ACIN1: variants seen among roughly 807,000 people sequenced by gnomAD.
ACIN1 encodes apoptotic chromatin condensation inducer 1.
Under a neutral mutation model 146.6 loss-of-function variants are expected in ACIN1, and 16 were observed. The observed-to-expected ratio is 0.11, with a 90% CI of 0.07 to 0.17. ACIN1 has a LOEUF of 0.17. ACIN1 is among the 10% of genes least tolerant of loss of function. The pLI, the probability that ACIN1 is intolerant of heterozygous loss-of-function variation, is 1.00. For synonymous variants in ACIN1, 569 were observed against 582.7 expected, an observed-to-expected ratio of 0.98 and a Z score of 0.34; for missense variants, 1,357 against 1,609.3, an observed-to-expected ratio of 0.84 and a Z score of 2.68.
chr14:23,061,655 A>G, intron 16 of ACIN1, 33 bp from the exon 17 acceptor site: 2 of 1,486,710 alleles, frequency 1.3e-6, no homozygotes, highest in Non-Finnish European at 1.8e-6. Flanking sequence ...GACAGTTAGG[A>G]TAGAGGTGAT....
intron 12 of ACIN1, 97 bp downstream of exon 12, chr14:23,064,008 G>A: frequency 6.6e-7 from 1 of 1,524,090 alleles, no homozygotes; most frequent in South Asian, 1.2e-5. Flanking sequence ...CACAGACAGG[G>A]AAGTTCCCTC....
chr14:23,071,149 A>AT (rs781124581), intron 8 of ACIN1: 44 of 1,551,226 alleles, frequency 2.8e-5, no homozygotes, highest in Non-Finnish European at 3.2e-5. Context: ...TGATAACATG[A>AT]TTTTTTTTCT....
chr14:23,095,547 T>C (rs557223383), upstream of ACIN1: 11 of 486,576 alleles, frequency 2.3e-5, no homozygotes, highest in Admixed American at 2.7e-4. Context: ...TCAGGAAATT[T>C]GGAAGCTGCC....
At chr14:23,061,682 G>A (rs2047285940) in intron 16 of ACIN1, 60 bp from the exon 17 acceptor site, 1 of 1,437,086 alleles carries the variant, frequency 7.0e-7, no homozygotes, top group Non-Finnish European at 9.2e-7. Context: ...CCCACTCAAG[G>A]AGCCAGGATG....
chr14:23,078,032 G>GCTCTGC (rs1161935556), intron 8 of ACIN1, 119 bp downstream of exon 8: 25 of 863,468 alleles, frequency 2.9e-5, no homozygotes, highest in African/African-American at 5.1e-5. Context: ...TCCAGATAAA[G>GCTCTGC]CTCTGCCTTT....
chr14:23,094,747 GTGCACACCCTCCCA>G, intron 1 of ACIN1: 9 of 725,548 alleles, frequency 1.2e-5, no homozygotes, highest in Non-Finnish European at 2.0e-5. Context: ...CTGGAGAGTA[GTGCACACCCTCCCA>G]TTTGGGCTCG....
chr14:23,086,471 T>C (rs755740643), intron 4 of ACIN1, among the ~76,000 whole-genome samples: 1 of 152,210 alleles, frequency 6.6e-6, no homozygotes, highest in Non-Finnish European at 1.5e-5. Flanking sequence ...CTTAGAAATA[T>C]CTGAAGAAAG....
At chr14:23,063,116 T>C in intron 13 of ACIN1, 42 bp from the exon 14 acceptor site, 2 of 1,554,294 alleles carry the variant, frequency 1.3e-6, no homozygotes, top group Non-Finnish European at 1.7e-6. Flanking sequence ...TAGGAAGCAA[T>C]ACTGGCTCTT....
At chr14:23,087,700 T>C (rs752172243) in intron 4 of ACIN1, among the ~76,000 whole-genome samples, 30 of 151,816 alleles carry the variant, frequency 2.0e-4, no homozygotes, top group Non-Finnish European at 4.0e-4. Context: ...CCATTACCTA[T>C]AGAACTAAAA....
rs2140041310 is a variant in ACIN1 at position 23,067,201 on chromosome 14, C to A, written c.2266-1193G>T. On this transcript the variant is annotated intron_variant, in intron 9 of 18. Transcript: ENST00000605057. This position sits in a 1 kb window ranked among gnomAD's most constrained non-coding sequence, Gnocchi z 4.6. ...AACCAAATAAATAAATAAAAGAAATCAGAAAAAATAAAGATATAGAAAAAA... is the reference window on the plus strand; with the variant it reads ...AACCAAATAAATAAATAAAAGAAATAAGAAAAAATAAAGATATAGAAAAAA... 1 of 707,492 alleles carries A rather than the reference C, an allele frequency of 1.4e-6. No individual in the cohort carries two copies. The highest frequency in any genetic ancestry group is 1.3e-4 in the East Asian group (1 of 7,452). 43.8% of individuals were successfully genotyped at this position (707,492 alleles called of 1,614,324 possible). A position where few individuals can be genotyped will look rare whatever the true frequency, so the allele number is the denominator to read the frequency against.
intron 9 of ACIN1, 110 bp downstream of exon 9, chr14:23,069,366 A>T: frequency 1.3e-6 from 2 of 1,486,646 alleles, no homozygotes; most frequent in Non-Finnish European, 1.8e-6. Flanking sequence ...TCCCTGCCTC[A>T]TCCCTCCTTT....
chr14:23,061,054 A>T (rs1187287647), intron 18 of ACIN1, 30 bp downstream of exon 18: 2 of 1,599,604 alleles, frequency 1.3e-6, no homozygotes, highest in South Asian at 2.2e-5. Context: ...CAGTGCCACT[A>T]GGGAGCAGGG....
At chr14:23,091,444 A>G (rs1337956850) in intron 2 of ACIN1, among the ~76,000 whole-genome samples, 1 of 151,932 alleles carries the variant, frequency 6.6e-6, no homozygotes, top group Non-Finnish European at 1.5e-5. Flanking sequence ...CCAAAAATAC[A>G]AAAAGGTGGG....
In ACIN1 at chr14:23,089,087, C is replaced by T. The variant is rs909332924; in HGVS notation, c.436+895G>A. Among the ~76,000 whole-genome samples the T allele has an allele frequency of 5.9e-5, 9 of 152,312 alleles. 1 individual carries two copies. Among genetic ancestry groups the T allele is most frequent in the Middle Eastern group, 6.8e-3 (2 of 294 alleles). ...ACACAGTCTCGCTCTATTGTCCAGG[C>T]TGAAGTGCAATGGTGCAATCTTGGC... On this transcript the variant is annotated intron_variant, in intron 4 of 18. Coordinates refer to ENST00000605057, the MANE Select transcript of ACIN1 (RefSeq NM_001386863.1).
chr14:23,064,598 TAAAG>T (rs1159169075), intron 10 of ACIN1, 110 bp from the exon 11 acceptor site: 12 of 1,444,718 alleles, frequency 8.3e-6, no homozygotes, highest in East Asian at 2.3e-5. Flanking sequence ...AAGGTTAACT[TAAAG>T]AAATCATATT....
intron 8 of ACIN1, among the ~76,000 whole-genome samples, chr14:23,070,708 C>A (rs772883951): frequency 2.0e-5 from 3 of 152,086 alleles, no homozygotes; most frequent in Non-Finnish European, 4.4e-5. Flanking sequence ...AGAGGGGAAA[C>A]CAAGCCTCCC....
chr14:23,087,090 C>A (rs535202161), intron 4 of ACIN1, among the ~76,000 whole-genome samples: 2 of 152,242 alleles, frequency 1.3e-5, no homozygotes, highest in South Asian at 2.1e-4. Flanking sequence ...GAAACTTAAT[C>A]AAAAATTGTT....
chr14:23,063,838 T>A (rs1032956703), intron 12 of ACIN1, among the ~76,000 whole-genome samples: 2 of 152,224 alleles, frequency 1.3e-5, no homozygotes, highest in Non-Finnish European at 1.5e-5. Context: ...CATAGTTTGT[T>A]GCAACTACTC....
intron 18 of ACIN1, among the ~76,000 whole-genome samples, chr14:23,059,796 G>GGCGCCCGCGACC (rs1555369758): frequency 1.3e-5 from 2 of 151,818 alleles, no homozygotes; most frequent in African/African-American, 4.8e-5. Context: ...TGGGACCACA[G>GGCGCCCGCGACC]GCGCCCGCGA....
Sources: gnomAD v4.1 joint callset for allele counts (sites outside exome capture counted in the v4.1 genomes callset) on GRCh38, gnomAD v4.1.1 for gene constraint, Gnocchi (gnomAD v3.1) non-coding constraint, MANE v1.5 for transcripts, NCBI Gene and HGNC (gene_info 2026-07-23, HGNC 2026-07-21) for gene names.